The following PKD1 variants were observed in gnomAD, a reference collection of about 807,000 sequenced individuals.
The protein encoded by PKD1 is polycystin-1.
A neutral mutation model predicts 361.7 loss-of-function variants in PKD1; 81 were observed. That is an observed-to-expected ratio of 0.22 (90% CI 0.19 to 0.27). The LOEUF is 0.27. PKD1 is among the 10% of genes least tolerant of loss of function. The probability of loss-of-function intolerance (pLI) is 1.00; values close to 1 mark genes in which losing one functional copy is unlikely to be tolerated. For missense variants in PKD1, 6,399 were observed against 6,118.3 expected, an observed-to-expected ratio of 1.05 and a Z score of -1.53; for synonymous variants, 3,615 against 2,818.3, an observed-to-expected ratio of 1.28 and a Z score of -8.95.
In PKD1 at chr16:2,102,365, G is replaced by A. The variant is rs1340551064; in HGVS notation, c.9201+16C>T. 1 of 1,552,686 alleles carries A rather than the reference G, an allele frequency of 6.4e-7. No homozygotes were observed. Among genetic ancestry groups the A allele is most frequent in the South Asian group, 1.2e-5 (1 of 84,724 alleles). Reference sequence around the variant, plus strand: ...CTCGACTCTGCAGAGGCTCCCAGGAGCACAGGGTCACTCACAGGAAACACA... The same window carrying A: ...CTCGACTCTGCAGAGGCTCCCAGGAACACAGGGTCACTCACAGGAAACACA... On this transcript the variant is annotated intron_variant, in intron 25 of 45. Coordinates refer to ENST00000262304, the MANE Select transcript of PKD1 (RefSeq NM_001009944.3).
Position 2,110,640 on chromosome 16 carries a change from C to T in PKD1, c.4527G>A (p.Glu1509=), listed in dbSNP as rs2092477818. Residue 1509 remains glutamate, a synonymous_variant, in exon 15 of 46, where the codon GAG becomes GAA. Coordinates refer to ENST00000262304, the MANE Select transcript of PKD1 (RefSeq NM_001009944.3). ...LWDLGDGGWL[E]GPEVTHAYNS... ...TGTAAGCGTGGGTGACCTCCGGACCCTCGAGCCACCCACCGTCCCCCAGAT... is the reference window on the plus strand; with the variant it reads ...TGTAAGCGTGGGTGACCTCCGGACCTTCGAGCCACCCACCGTCCCCCAGAT... 1.9e-6 allele frequency: 3 copies of T among 1,610,078 alleles called. No homozygotes were observed. The highest frequency in any genetic ancestry group is 2.5e-6 in the Non-Finnish European group (3 of 1,179,342).
Position 2,092,326 on chromosome 16 carries a change from G to A in PKD1, c.11270-138C>T, listed in dbSNP as rs969426668. ...TCCCAGCAGCCATCAATTAGACAAC[G>A]TTACCATCTCTCATATACAGAGAAG... On this transcript the variant is annotated intron_variant, in intron 39 of 45. Transcript: ENST00000262304. The A allele has an allele frequency of 1.2e-5, 12 of 1,038,222 alleles. No homozygotes were observed. The Admixed American group carries it at 1.7e-4, about 15-fold the overall frequency. 64.3% of individuals were successfully genotyped at this position (1,038,222 alleles called of 1,614,324 possible).
intron 16 of PKD1, chr16:2,107,287 G>T (rs1347222290): frequency 2.0e-5 from 8 of 407,586 alleles, no homozygotes; most frequent in South Asian, 1.7e-4. Context: ...CTGCCACGTA[G>T]GCCTGACTCA....
rs565737699 is a variant in PKD1, at chr16:2,112,681, A to G, written c.3161+107T>C. 3 of 1,282,628 alleles carry G rather than the reference A, an allele frequency of 2.3e-6. No homozygotes were observed. In the South Asian group the frequency reaches 3.7e-5, roughly 16 times the overall value. The allele number at this position is 1,282,628 out of a possible 1,614,324, so 79.5% of individuals were successfully genotyped here. On this transcript the variant is annotated intron_variant, in intron 13 of 45. Transcript: ENST00000262304. ...CCAGTTACCTCCCAACAGACAGGGA[A>G]ACCGAGGCTCAGAAAAGCAACCCCG...
intron 37 of PKD1, 32 bp downstream of exon 37, chr16:2,093,512 G>A (rs1001982532): frequency 4.5e-6 from 7 of 1,570,594 alleles, no homozygotes; most frequent in Admixed American, 1.8e-5. Context: ...AGAGACGGAG[G>A]TGGCAGGGGC....
In PKD1 at chr16:2,135,798, G is replaced by A. The variant is rs1034012323; in HGVS notation, c.-109C>T. On this transcript the variant is annotated 5_prime_UTR_variant, in exon 1 of 46. Coordinates refer to ENST00000262304, the MANE Select transcript of PKD1 (RefSeq NM_001009944.3). The stretch of plus-strand genomic sequence containing the variant: ...GCATGGCGGGCGCGGGGCTGGATGG[G>A]GCTGCGGCCGCGACCTGCTGCTGAG... 7.7e-4 allele frequency: 480 copies of A among 620,208 alleles called. 1 individual carries two copies. Among genetic ancestry groups the A allele is most frequent in the Non-Finnish European group, 9.1e-4 (453 of 499,030 alleles). The allele number at this position is 620,208 out of a possible 1,614,324, so 38.4% of individuals were successfully genotyped here.
At position 2,112,761 on chromosome 16, in the gene PKD1, C is replaced by T. The variant is rs1292756211; in HGVS notation, c.3161+27G>A. 8.8e-6 allele frequency: 14 copies of T among 1,591,498 alleles called. No individual in the cohort carries two copies. The East Asian group carries it at 1.6e-4, about 18-fold the overall frequency. ...GGCTGGGACAAGAGCCTGGTGCCCA[C>T]CCCAAACCGGCCCCCGAGTCACTCA... On this transcript the variant is annotated intron_variant, in intron 13 of 45. Transcript: ENST00000262304.
chr16:2,093,256 A>G (rs534265528), intron 37 of PKD1, 163 bp from the exon 38 acceptor site: 4 of 831,136 alleles, frequency 4.8e-6, no homozygotes, highest in Non-Finnish European at 7.7e-6. Context: ...GGCAGCACAC[A>G]CCCTGCCCGG....
At chr16:2,096,017 G>A (rs1246295580) in intron 34 of PKD1, among the ~76,000 whole-genome samples, 3 of 152,120 alleles carry the variant, frequency 2.0e-5, no homozygotes, top group African/African-American at 7.2e-5. Context: ...TGAGTCCAGG[G>A]GCAGTTCATA....
rs1254976978 is a variant in PKD1 at position 2,092,527 on chromosome 16, C to T, written c.11222G>A (p.Ser3741Asn). ...CAGCCGTGGGGGCCCCAGCTCTGGG[C>T]TGGACTGGTTCCCGTGGACGTAGGG... ...LLPYVHGNQS[S>N]PELGPPRLRQ... The change falls in exon 39 of 46, where the codon AGC (serine) becomes AAC (asparagine). Residue 3741 changes from serine (S) to asparagine (N), a missense_variant. By Grantham distance (46) the Ser-to-Asn change is conservative. Transcript: ENST00000262304. 1.9e-6 allele frequency: 3 copies of T among 1,612,742 alleles called. No homozygotes were observed. In the South Asian group the frequency reaches 3.3e-5, roughly 18 times the overall value.
At position 2,111,826 on chromosome 16, in the gene PKD1, A is replaced by C. The variant is rs241573; in HGVS notation, c.3341T>G (p.Leu1114Arg). ...CACGCTCACAGGCACCTGCTGCGTCAGGTTCTCGAAGGCATTAGATGCCAG... is the reference window on the plus strand; with the variant it reads ...CACGCTCACAGGCACCTGCTGCGTCCGGTTCTCGAAGGCATTAGATGCCAG... ...TVLASNAFEN[L>R]TQQVPVSVRA... The change falls in exon 15 of 46, where the codon CTG becomes CGG. Residue 1114 changes from leucine (L) to arginine (R), a missense_variant. Coordinates refer to ENST00000262304, the MANE Select transcript of PKD1 (RefSeq NM_001009944.3). 3.1e-6 allele frequency: 5 copies of C among 1,610,238 alleles called. No homozygotes were observed. The highest frequency in any genetic ancestry group is 4.2e-6 in the Non-Finnish European group (5 of 1,179,516).
At position 2,111,708 on chromosome 16, in the gene PKD1, C is replaced by G. The variant is rs747374277; in HGVS notation, c.3459G>C (p.Ser1153=). ...PVTFYPHPLP[S]PGGVLYTWDF... ...CCCACGTGTAAAGAACACCCCCAGG[C>G]GAGGGCAGCGGGTGCGGGTAGAAGG... Residue 1153 remains serine (S), a synonymous_variant, in exon 15 of 46, where the codon TCG becomes TCC. Coordinates refer to ENST00000262304, the MANE Select transcript of PKD1 (RefSeq NM_001009944.3). The G allele has an allele frequency of 1.3e-6, 2 of 1,586,424 alleles. No homozygotes were observed. The highest frequency in any genetic ancestry group is 1.1e-5 in the South Asian group (1 of 88,070).
chr16:2,123,045 G>A (rs55889733), intron 1 of PKD1, among the ~76,000 whole-genome samples: 18,082 of 152,244 alleles, frequency 0.12, 1,406 homozygotes, highest in Non-Finnish European at 0.18. Context: ...CAGGTCAGCC[G>A]AGGACCCCAG....
intron 34 of PKD1, 49 bp from the exon 35 acceptor site, chr16:2,094,259 T>C (rs909777384): frequency 1.7e-6 from 2 of 1,190,002 alleles, no homozygotes; most frequent in Non-Finnish European, 1.3e-6. Flanking sequence ...CAGGAGGCAG[T>C]TGCAGCCAAG....
rs1038735192 is a variant in PKD1 at position 2,088,764 on chromosome 16, G to C, written c.*963C>G. On this transcript the variant is annotated 3_prime_UTR_variant, in exon 46 of 46. Coordinates refer to ENST00000262304, the MANE Select transcript of PKD1 (RefSeq NM_001009944.3). ...TCTGCTTGGTGCGGGGGTTGGGGGG[G>C]TGTCGAGGCTCTAGAAGCGGCCATG... The C allele has an allele frequency of 5.5e-6, 6 of 1,090,226 alleles. No homozygotes were observed. The highest frequency in any genetic ancestry group is 5.8e-4 in the Middle Eastern group (2 of 3,436). 67.5% of individuals were successfully genotyped at this position (1,090,226 alleles called of 1,614,324 possible). A position where few individuals can be genotyped will look rare whatever the true frequency, so the allele number is the denominator to read the frequency against.
At chr16:2,105,209 G>T in intron 21 of PKD1, 113 bp downstream of exon 21, 1 of 992,940 alleles carries the variant, frequency 1.0e-6, no homozygotes, top group East Asian at 2.6e-5. Flanking sequence ...TGGCAGGAAG[G>T]AGCCCAGGCT....
intron 1 of PKD1, among the ~76,000 whole-genome samples, chr16:2,132,270 A>G (rs1455105936): frequency 3.3e-5 from 5 of 150,608 alleles, no homozygotes; most frequent in African/African-American, 7.3e-5. Flanking sequence ...AAAAAAGTAT[A>G]TATTTTTAAA....
At chr16:2,108,138 C>T (rs2092407175) in intron 15 of PKD1, 106 bp from the exon 16 acceptor site, 26 of 1,463,944 alleles carry the variant, frequency 1.8e-5, no homozygotes, top group South Asian at 1.1e-4. Flanking sequence ...CATGCTGGGA[C>T]GGGGCCCACC....
At chr16:2,115,155 G>C (rs1247748525) in intron 10 of PKD1, 2 of 804,996 alleles carry the variant, frequency 2.5e-6, no homozygotes, top group East Asian at 2.5e-4. Context: ...GCTGTGCTGG[G>C]AGAGAGGAAG....
Sources: gnomAD v4.1 joint callset for allele counts (sites outside exome capture counted in the v4.1 genomes callset) on GRCh38, gnomAD v4.1.1 for gene constraint, MANE v1.5 for transcripts, NCBI Gene and HGNC (gene_info 2026-07-23, HGNC 2026-07-21) for gene names.